Variants in HIKESHI observed in about 807,000 individuals in gnomAD.
HIKESHI encodes the protein heat shock protein nuclear import factor hikeshi.
A neutral mutation model predicts 25.7 loss-of-function variants in HIKESHI; 13 were observed. The observed-to-expected ratio is 0.51, with a 90% CI of 0.33 to 0.80. The LOEUF (loss-of-function observed/expected upper bound fraction) is 0.80. Among genes scored for constraint, HIKESHI ranks in the 30% least tolerant of loss-of-function variants. The pLI, the probability that HIKESHI is intolerant of heterozygous loss-of-function variation, is 0.02. For synonymous variants in HIKESHI, 76 were observed against 78.7 expected (o/e 0.97, Z 0.18); for missense variants, 174 against 229.5 (o/e 0.76, Z 1.56).
chr11:86,315,222 A>G (rs1192656196), intron 2 of HIKESHI, among the ~76,000 whole-genome samples: 1 of 152,246 alleles, frequency 6.6e-6, no homozygotes, highest in African/African-American at 2.4e-5. Context: ...AAAGTCATTT[A>G]TAGCTGAACA....
At chr11:86,341,632 A>C (rs537692804) in intron 3 of HIKESHI, among the ~76,000 whole-genome samples, 1 of 152,044 alleles carries the variant, frequency 6.6e-6, no homozygotes, top group Non-Finnish European at 1.5e-5. Flanking sequence ...GGCAAGCATC[A>C]CCAAACCCAC....
chr11:86,306,922 C>T (rs1239042455), intron 2 of HIKESHI, among the ~76,000 whole-genome samples: 3 of 150,814 alleles, frequency 2.0e-5, no homozygotes, highest in South Asian at 4.2e-4. Context: ...ATGGTGTGAA[C>T]CTGTGAGGTG....
At chr11:86,340,650 C>T (rs964062493) in intron 3 of HIKESHI, among the ~76,000 whole-genome samples, 5 of 151,836 alleles carry the variant, frequency 3.3e-5, no homozygotes, top group Admixed American at 1.3e-4. Flanking sequence ...GGATATTAGT[C>T]AAATAGTTTT....
chr11:86,345,066 T>C lies in HIKESHI; in HGVS notation c.539+345T>C. On this transcript the variant is annotated intron_variant, in intron 4 of 4. Coordinates refer to ENST00000278483, the MANE Select transcript of HIKESHI (RefSeq NM_016401.4). ...TGTGTACATGAATGGCTAATGAATCTATTTTCCAACTTTCCCGTGTTTTAT... is the reference window on the plus strand; with the variant it reads ...TGTGTACATGAATGGCTAATGAATCCATTTTCCAACTTTCCCGTGTTTTAT... 4 of 1,033,380 alleles carry C rather than the reference T, an allele frequency of 3.9e-6. No homozygotes were observed. The South Asian group carries it at 1.8e-4, about 48-fold the overall frequency. 64.0% of individuals were successfully genotyped at this position (1,033,380 alleles called of 1,614,324 possible).
At chr11:86,330,479 C>A (rs1228560812) in intron 2 of HIKESHI, among the ~76,000 whole-genome samples, 2 of 152,208 alleles carry the variant, frequency 1.3e-5, no homozygotes, top group African/African-American at 4.8e-5. Flanking sequence ...TATTTAGATA[C>A]TCTGCATATT....
At chr11:86,342,379 A>G (rs2138430218) in intron 3 of HIKESHI, among the ~76,000 whole-genome samples, 1 of 152,252 alleles carries the variant, frequency 6.6e-6, no homozygotes, top group East Asian at 1.9e-4. Flanking sequence ...ATTTGTATAT[A>G]GATAAATGTA....
At chr11:86,313,744 T>C (rs990688364) in intron 2 of HIKESHI, among the ~76,000 whole-genome samples, 1 of 152,184 alleles carries the variant, frequency 6.6e-6, no homozygotes, top group Non-Finnish European at 1.5e-5. Context: ...TGGATGTTTG[T>C]ACAAAGTGTG....
At chr11:86,328,983 T>C (rs1374854943) in intron 2 of HIKESHI, among the ~76,000 whole-genome samples, 1 of 151,842 alleles carries the variant, frequency 6.6e-6, no homozygotes, top group Non-Finnish European at 1.5e-5. Context: ...TTTTCTGCCA[T>C]TTTTACTTAA....
intron 2 of HIKESHI, among the ~76,000 whole-genome samples, chr11:86,311,793 A>T (rs1433064810): frequency 6.6e-6 from 1 of 152,160 alleles, no homozygotes; most frequent in African/African-American, 2.4e-5. Context: ...GAACATCTTT[A>T]TTTCTGCTTT....
chr11:86,310,774 G>A (rs1178404372), intron 2 of HIKESHI, among the ~76,000 whole-genome samples: 3 of 152,150 alleles, frequency 2.0e-5, no homozygotes, highest in Admixed American at 2.0e-4. Context: ...TAGCATGAAG[G>A]GGTGTTGAAT....
intron 2 of HIKESHI, among the ~76,000 whole-genome samples, chr11:86,321,625 G>A (rs1290245137): frequency 2.6e-5 from 4 of 151,416 alleles, no homozygotes; most frequent in Non-Finnish European, 4.4e-5. Flanking sequence ...TGCCTCCCAC[G>A]TTCAAGTGAT....
chr11:86,331,287 G>A (rs1947417503), intron 2 of HIKESHI, among the ~76,000 whole-genome samples: 1 of 152,072 alleles, frequency 6.6e-6, no homozygotes, highest in South Asian at 2.1e-4. Context: ...ACAGGAGTTC[G>A]AGACCAGCCT....
At chr11:86,311,238 G>T (rs1946825922) in intron 2 of HIKESHI, among the ~76,000 whole-genome samples, 2 of 152,048 alleles carry the variant, frequency 1.3e-5, no homozygotes, top group African/African-American at 2.4e-5. Context: ...CAATTTCAGA[G>T]CCTGTTATTG....
intron 2 of HIKESHI, among the ~76,000 whole-genome samples, chr11:86,316,034 A>G (rs557828302): frequency 1.3e-5 from 2 of 149,760 alleles, no homozygotes; most frequent in East Asian, 3.9e-4. Context: ...AGTCGCAGCT[A>G]CTCAGGAGAT....
intron 3 of HIKESHI, 56 bp from the exon 4 acceptor site, chr11:86,344,547 T>A: frequency 1.0e-6 from 1 of 996,976 alleles, no homozygotes; most frequent in Non-Finnish European, 1.5e-6. Context: ...TTTAAAAATA[T>A]TGAGTTCTAA....
chr11:86,321,589 G>A (rs1056176527), intron 2 of HIKESHI, among the ~76,000 whole-genome samples: 1 of 151,986 alleles, frequency 6.6e-6, no homozygotes, highest in Non-Finnish European at 1.5e-5. Context: ...GAGTGCAGTG[G>A]CATGATCTCG....
intron 2 of HIKESHI, among the ~76,000 whole-genome samples, chr11:86,333,084 A>C (rs1283391422): frequency 6.6e-6 from 1 of 152,268 alleles, no homozygotes; most frequent in African/African-American, 2.4e-5. Flanking sequence ...TAGACAAATC[A>C]GAAAATGAAT....
intron 2 of HIKESHI, among the ~76,000 whole-genome samples, chr11:86,315,447 A>G (rs1946951074): frequency 6.6e-6 from 1 of 152,062 alleles, no homozygotes; most frequent in South Asian, 2.1e-4. Flanking sequence ...CAGCCTCCCA[A>G]GTAGCTGAGA....
At chr11:86,327,048 G>A (rs1453162404) in intron 2 of HIKESHI, among the ~76,000 whole-genome samples, 1 of 152,100 alleles carries the variant, frequency 6.6e-6, no homozygotes, top group Non-Finnish European at 1.5e-5. Context: ...TCAACATAGT[G>A]AGATCTCTTC....
Sources: allele counts gnomAD v4.1 joint callset (sites outside exome capture counted in the v4.1 genomes callset), GRCh38; gene constraint gnomAD v4.1.1; transcripts MANE v1.5; gene names NCBI Gene and HGNC (gene_info 2026-07-23, HGNC 2026-07-21).